The following UNC79 variants were observed in gnomAD, a reference collection of about 807,000 sequenced individuals.
UNC79 encodes the protein unc-79 subunit of NALCN channel complex.
In UNC79, 37 loss-of-function variants were observed where a neutral mutation model predicts 283.1. The observed-to-expected ratio is 0.13, with a 90% confidence interval of 0.10 to 0.17. UNC79 has a LOEUF of 0.17. UNC79 is among the 10% of genes least tolerant of loss of function. The probability of loss-of-function intolerance (pLI) is 1.00; values close to 1 mark genes in which losing one functional copy is unlikely to be tolerated. For missense variants in UNC79, 2,272 were observed against 3,211.1 expected (o/e 0.71, Z 7.07); for synonymous variants, 1,107 against 1,200.2 (o/e 0.92, Z 1.61).
At chr14:93,422,743 A>T (rs1022501603) in intron 1 of UNC79, among the ~76,000 whole-genome samples, 2 of 152,160 alleles carry the variant, frequency 1.3e-5, no homozygotes, top group Non-Finnish European at 2.9e-5. Context: ...TAGTGTTTCT[A>T]TATGCCAACA....
At chr14:93,350,458 C>T (rs2053960914) in intron 1 of UNC79, among the ~76,000 whole-genome samples, 2 of 151,702 alleles carry the variant, frequency 1.3e-5, no homozygotes, top group Non-Finnish European at 2.9e-5. Flanking sequence ...TAATGTAAGA[C>T]AAGTAAGAAA....
intron 40 of UNC79, among the ~76,000 whole-genome samples, chr14:93,670,522 A>G (rs2072728399): frequency 6.6e-6 from 1 of 152,260 alleles, no homozygotes; most frequent in Admixed American, 6.5e-5. Context: ...GTATAACGCA[A>G]GGCACATGGG....
intron 2 of UNC79, among the ~76,000 whole-genome samples, chr14:93,470,750 A>G (rs1407776473): frequency 1.3e-5 from 2 of 152,200 alleles, no homozygotes; most frequent in Non-Finnish European, 2.9e-5. Context: ...GCAACACACA[A>G]CTTCAGAGTT....
chr14:93,344,874 G>A (rs2053791302), intron 1 of UNC79, among the ~76,000 whole-genome samples: 1 of 152,176 alleles, frequency 6.6e-6, no homozygotes, highest in Non-Finnish European at 1.5e-5. Flanking sequence ...ATTGGTTAGG[G>A]TAAGATTCCA....
intron 1 of UNC79, among the ~76,000 whole-genome samples, chr14:93,356,225 G>A (rs760882980): frequency 6.6e-6 from 1 of 151,994 alleles, no homozygotes; most frequent in Admixed American, 6.6e-5. Flanking sequence ...ACAGAGTTTC[G>A]TTGGCCAGGC....
At chr14:93,503,931 G>T (rs1330797426) in intron 7 of UNC79, among the ~76,000 whole-genome samples, 2 of 151,604 alleles carry the variant, frequency 1.3e-5, no homozygotes, top group Non-Finnish European at 3.0e-5. Context: ...GATGTATCTG[G>T]AATTAATTTT....
intron 1 of UNC79, among the ~76,000 whole-genome samples, chr14:93,442,610 A>G (rs754006625): frequency 1.4e-4 from 21 of 152,220 alleles, no homozygotes; most frequent in Non-Finnish European, 1.5e-4. Context: ...GCATTTGACT[A>G]CTATCACCAT....
chr14:93,628,091 C>T (rs996819134), intron 30 of UNC79, among the ~76,000 whole-genome samples: 23 of 152,286 alleles, frequency 1.5e-4, no homozygotes, highest in Admixed American at 4.6e-4. Flanking sequence ...ACACAACAGC[C>T]GGAGTGATCT....
rs181421248 is a variant in UNC79 at position 93,456,572 on chromosome 14, T to C, written c.23-11099T>C. Among the ~76,000 whole-genome samples the C allele has an allele frequency of 2.9e-3, 441 of 152,314 alleles. 2 individuals are homozygous for C. The highest frequency in any genetic ancestry group is 0.01 in the African/African-American group (417 of 41,564). On this transcript the variant is annotated intron_variant, in intron 1 of 48. Coordinates refer to ENST00000555664, the Ensembl canonical transcript of UNC79. Reference sequence around the variant, plus strand: ...GGCCAATGTTAGCTGTGCTAAGCTCTGTATTTTTTCTACTGCCCCTCCTAA... The same window carrying C: ...GGCCAATGTTAGCTGTGCTAAGCTCCGTATTTTTTCTACTGCCCCTCCTAA...
intron 1 of UNC79, among the ~76,000 whole-genome samples, chr14:93,407,777 A>G (rs1476947082): frequency 6.6e-6 from 1 of 152,170 alleles, no homozygotes; most frequent in Admixed American, 6.6e-5. Flanking sequence ...CCTCCCCAGT[A>G]CCTTACTACC....
At chr14:93,334,492 A>G (rs1216246209) in intron 1 of UNC79, 1 of 152,244 alleles carries the variant, frequency 6.6e-6, no homozygotes, top group Non-Finnish European at 1.5e-5. Flanking sequence ...TATAAAAGAA[A>G]TAGGTCCATC....
At chr14:93,371,351 C>T (rs1037291351) in intron 1 of UNC79, among the ~76,000 whole-genome samples, 1 of 151,742 alleles carries the variant, frequency 6.6e-6, no homozygotes, top group Non-Finnish European at 1.5e-5. Context: ...CGCACCATGG[C>T]ACTCCAGCCT....
In UNC79 at chr14:93,524,057, G is replaced by T; in HGVS notation, c.963+15G>T. 1 of 1,613,850 alleles carries T rather than the reference G, an allele frequency of 6.2e-7. No individual in the cohort carries two copies. On this transcript the variant is annotated intron_variant, in intron 8 of 48. Transcript: ENST00000555664. Reference sequence around the variant, plus strand: ...CAGCTGTGAAGGTACTGTTTTATTAGACCTGGTGCCATACTGTATTGTCAG... The same window carrying T: ...CAGCTGTGAAGGTACTGTTTTATTATACCTGGTGCCATACTGTATTGTCAG...
intron 1 of UNC79, among the ~76,000 whole-genome samples, chr14:93,400,552 T>C (rs909880695): frequency 1.3e-5 from 2 of 152,100 alleles, no homozygotes. Flanking sequence ...GATAAAGTAG[T>C]AATTGAGCAG....
chr14:93,391,078 A>C (rs1422893953), intron 1 of UNC79, among the ~76,000 whole-genome samples: 1 of 152,222 alleles, frequency 6.6e-6, no homozygotes, highest in Non-Finnish European at 1.5e-5. Context: ...AAGCTGCAGT[A>C]ATTACAACAG....
intron 26 of UNC79, among the ~76,000 whole-genome samples, chr14:93,606,780 T>G (rs2065917326): frequency 6.6e-6 from 1 of 152,230 alleles, no homozygotes; most frequent in African/African-American, 2.4e-5. Flanking sequence ...AAAATTCTGT[T>G]TTCTATAGAA....
chr14:93,702,015 G>T (rs1019097442), intron 47 of UNC79, among the ~76,000 whole-genome samples: 1 of 152,022 alleles, frequency 6.6e-6, no homozygotes, highest in African/African-American at 2.4e-5. Context: ...GGTTAGTTTG[G>T]GTATTTCCCA....
intron 40 of UNC79, among the ~76,000 whole-genome samples, chr14:93,672,036 A>G (rs2072916558): frequency 1.3e-5 from 2 of 152,326 alleles, no homozygotes; most frequent in South Asian, 2.1e-4. Context: ...AAAAAATAAC[A>G]GATCCTGGCG....
chr14:93,662,772 C>A, intron 40 of UNC79, 58 bp downstream of exon 43: 5 of 1,361,996 alleles, frequency 3.7e-6, no homozygotes, highest in Non-Finnish European at 5.1e-6. Context: ...GAAATATATT[C>A]TTTTGAATCA....
Sources: gnomAD v4.1 joint callset for allele counts (sites outside exome capture counted in the v4.1 genomes callset) on GRCh38, gnomAD v4.1.1 for gene constraint, MANE v1.5 for transcripts, NCBI Gene and HGNC (gene_info 2026-07-23, HGNC 2026-07-21) for gene names.